SLC24A2: variants seen among roughly 807,000 people sequenced by gnomAD.
The protein encoded by SLC24A2 is sodium/potassium/calcium exchanger 2.
Under a neutral mutation model 62.0 loss-of-function variants are expected in SLC24A2, and 36 were observed. The observed-to-expected ratio is 0.58, with a 90% CI of 0.44 to 0.77. The LOEUF is 0.77. SLC24A2 is among the 30% of genes least tolerant of loss of function. The pLI is 0.00. For missense variants in SLC24A2, 846 were observed against 817.9 expected, an observed-to-expected ratio of 1.03 and a Z score of -0.42; for synonymous variants, 358 against 294.0, an observed-to-expected ratio of 1.22 and a Z score of -2.23.
chr9:20,261,585 G>A, the SLC24A2 span, among the ~76,000 whole-genome samples: 1 of 152,010 alleles, frequency 6.6e-6, no homozygotes, highest in Non-Finnish European at 1.5e-5. Flanking sequence ...GCTGAATTGG[G>A]GATTAAGTTT....
chr9:20,045,480 G>A, the SLC24A2 span, among the ~76,000 whole-genome samples: 4 of 152,066 alleles, frequency 2.6e-5, no homozygotes, highest in African/African-American at 9.7e-5. Flanking sequence ...CGCCCGGGCT[G>A]GAGTGCGGTG....
At chr9:19,524,284 C>G (rs1380202568) in intron 9 of SLC24A2, among the ~76,000 whole-genome samples, 1 of 151,760 alleles carries the variant, frequency 6.6e-6, no homozygotes, top group Non-Finnish European at 1.5e-5. Flanking sequence ...GACACAAGGT[C>G]TTAGTTGACT....
At chr9:20,306,724 T>C in the SLC24A2 span, among the ~76,000 whole-genome samples, 29 of 152,176 alleles carry the variant, frequency 1.9e-4, 1 homozygote, top group Admixed American at 1.9e-3. Flanking sequence ...TGAGACGGAG[T>C]CTCACTCTGT....
the SLC24A2 span, among the ~76,000 whole-genome samples, chr9:20,291,144 A>C: frequency 3.9e-5 from 6 of 152,188 alleles, no homozygotes; most frequent in East Asian, 1.9e-4. Flanking sequence ...GTAGGGGGAC[A>C]AAATAAGTGA....
Position 19,587,023 on chromosome 9 carries a change from G to C in SLC24A2, c.1130-10001C>G, listed in dbSNP as rs551388030. ...AGGCAGGCCACATATCCTAAGACCT[G>C]CCAGCATTTAACCCAACTACCTCCT... On this transcript the variant is annotated intron_variant, in intron 5 of 10. Coordinates refer to ENST00000341998, the MANE Select transcript of SLC24A2 (RefSeq NM_020344.4). 7.2e-5 allele frequency among the ~76,000 whole-genome samples: 11 copies of C among 152,226 alleles called. No homozygotes were observed. In the South Asian group the frequency reaches 2.3e-3, roughly 32 times the overall value.
At chr9:19,995,256 T>C in the SLC24A2 span, among the ~76,000 whole-genome samples, 1 of 152,336 alleles carries the variant, frequency 6.6e-6, no homozygotes, top group African/African-American at 2.4e-5. Context: ...AAAATTAAAA[T>C]ATTAATCAAT....
intron 2 of SLC24A2, among the ~76,000 whole-genome samples, chr9:19,677,149 A>G (rs568006374): frequency 2.0e-4 from 31 of 152,366 alleles, no homozygotes; most frequent in African/African-American, 7.2e-4. Flanking sequence ...CTGCAGCACT[A>G]TTCACAATAG....
chr9:20,014,085 A>G, the SLC24A2 span, among the ~76,000 whole-genome samples: 34 of 152,168 alleles, frequency 2.2e-4, no homozygotes, highest in African/African-American at 7.7e-4. Context: ...GTACATGCCT[A>G]TAGTCTCAGC....
intron 2 of SLC24A2, among the ~76,000 whole-genome samples, chr9:19,718,390 T>C (rs1820924817): frequency 7.3e-6 from 1 of 136,264 alleles, no homozygotes; most frequent in South Asian, 2.5e-4. Flanking sequence ...CCTCCCAGGC[T>C]CCAGCCATTG....
the SLC24A2 span, among the ~76,000 whole-genome samples, chr9:20,260,819 G>A: frequency 4.2e-5 from 6 of 141,420 alleles, no homozygotes; most frequent in South Asian, 4.8e-4. Flanking sequence ...CCTTTCCTCC[G>A]AGTCCCCAAA....
chr9:19,639,462 C>T (rs1485510510), intron 2 of SLC24A2, among the ~76,000 whole-genome samples: 4 of 152,172 alleles, frequency 2.6e-5, no homozygotes, highest in African/African-American at 9.6e-5. Context: ...TACCTCTGCC[C>T]AGCTGCCATT....
chr9:19,679,932 C>A (rs7043947), intron 2 of SLC24A2, among the ~76,000 whole-genome samples: 3,644 of 151,672 alleles, frequency 0.024, 83 homozygotes, highest in East Asian at 0.091. Flanking sequence ...CTCTGGAGAA[C>A]CCTAACCACA....
At chr9:20,077,423 T>G in the SLC24A2 span, among the ~76,000 whole-genome samples, 2 of 152,138 alleles carry the variant, frequency 1.3e-5, no homozygotes, top group African/African-American at 4.8e-5. Context: ...ATAATACAAT[T>G]TATTTCTTAA....
the SLC24A2 span, among the ~76,000 whole-genome samples, chr9:20,285,341 G>T: frequency 6.6e-6 from 1 of 152,224 alleles, no homozygotes; most frequent in East Asian, 1.9e-4. Context: ...GATTATGAAG[G>T]TTGGCAAGAC....
At chr9:19,962,409 G>A in the SLC24A2 span, among the ~76,000 whole-genome samples, 72 of 152,246 alleles carry the variant, frequency 4.7e-4, no homozygotes, top group African/African-American at 1.7e-3. Context: ...GAAAGTCATT[G>A]GTAGCCTGAT....
the SLC24A2 span, among the ~76,000 whole-genome samples, chr9:19,827,326 C>T: frequency 3.3e-5 from 5 of 151,918 alleles, no homozygotes; most frequent in East Asian, 1.9e-4. Flanking sequence ...TCAGTGTAGA[C>T]GCAAGATGAC....
chr9:19,606,080 T>C (rs1211032548), intron 4 of SLC24A2, among the ~76,000 whole-genome samples: 1 of 152,230 alleles, frequency 6.6e-6, no homozygotes, highest in Non-Finnish European at 1.5e-5. Context: ...CAGGTCTTCA[T>C]GGTGTAATCC....
At chr9:19,966,112 T>C in the SLC24A2 span, among the ~76,000 whole-genome samples, 2 of 152,234 alleles carry the variant, frequency 1.3e-5, no homozygotes, top group African/African-American at 4.8e-5. Flanking sequence ...TAATGTCCCC[T>C]GCTACCTAGA....
the SLC24A2 span, among the ~76,000 whole-genome samples, chr9:20,050,043 G>A: frequency 6.6e-6 from 1 of 152,090 alleles, no homozygotes; most frequent in African/African-American, 2.4e-5. Flanking sequence ...GACTGGAGCA[G>A]AGCAGGAAAA....
Sources: gnomAD v4.1 joint callset for allele counts (sites outside exome capture counted in the v4.1 genomes callset) on GRCh38, gnomAD v4.1.1 for gene constraint, MANE v1.5 for transcripts, NCBI Gene and HGNC (gene_info 2026-07-23, HGNC 2026-07-21) for gene names.